The following RAD18 variants were observed in gnomAD, a reference collection of about 807,000 sequenced individuals.
The protein encoded by RAD18 is E3 ubiquitin-protein ligase RAD18.
In RAD18, 47 loss-of-function variants were observed where a neutral mutation model predicts 60.4. The ratio of observed to expected loss-of-function variants is 0.78; its 90% confidence interval spans 0.62 to 0.99. The LOEUF (loss-of-function observed/expected upper bound fraction) is 0.99, where lower values mean the gene tolerates loss of function less well. Among genes scored for constraint, RAD18 ranks in the 50% least tolerant of loss-of-function variants. The pLI, the probability that RAD18 is intolerant of heterozygous loss-of-function variation, is 0.00. For missense variants in RAD18, 640 were observed against 593.3 expected (o/e 1.08, Z -0.82); for synonymous variants, 225 against 195.5 (o/e 1.15, Z -1.26).
intron 1 of RAD18, among the ~76,000 whole-genome samples, chr3:8,960,129 A>C (rs2124848793): frequency 6.6e-6 from 1 of 152,252 alleles, no homozygotes; most frequent in East Asian, 1.9e-4. Flanking sequence ...CAAAATAACA[A>C]AAATCCATGT....
At chr3:8,891,445 A>G (rs672086) in intron 11 of RAD18, among the ~76,000 whole-genome samples, 83,303 of 152,020 alleles carry the variant, frequency 0.55, 26,400 homozygotes, top group Middle Eastern at 0.71. Flanking sequence ...AGGGGCTTTC[A>G]AATCACCAGC....
intron 10 of RAD18, among the ~76,000 whole-genome samples, chr3:8,901,145 A>G (rs1939905088): frequency 6.6e-6 from 1 of 152,194 alleles, no homozygotes; most frequent in African/African-American, 2.4e-5. Context: ...TCACATCTAC[A>G]ATTTTTAAAA....
chr3:8,953,208 T>C (rs916423702), intron 2 of RAD18, among the ~76,000 whole-genome samples: 5 of 150,668 alleles, frequency 3.3e-5, no homozygotes, highest in Non-Finnish European at 7.4e-5. Flanking sequence ...TTATACAATA[T>C]AGTGTATACA....
chr3:8,936,548 T>C (rs750652759), intron 6 of RAD18, among the ~76,000 whole-genome samples: 2 of 152,188 alleles, frequency 1.3e-5, no homozygotes, highest in Non-Finnish European at 2.9e-5. Flanking sequence ...TTATAGCAGG[T>C]TCTCTACCTG....
chr3:8,933,849 A>G (rs1343108507), intron 7 of RAD18, among the ~76,000 whole-genome samples: 1 of 152,236 alleles, frequency 6.6e-6, no homozygotes, highest in Non-Finnish European at 1.5e-5. Context: ...GTCAACCTCA[A>G]TAAACAAAAC....
intron 4 of RAD18, among the ~76,000 whole-genome samples, chr3:8,942,555 G>A (rs1423421424): frequency 6.6e-6 from 1 of 152,204 alleles, no homozygotes; most frequent in Non-Finnish European, 1.5e-5. Flanking sequence ...ACACAAGGCT[G>A]CAATCCCTGA....
Position 8,898,980 on chromosome 3 carries a change from T to C in RAD18, c.1236A>G (p.Glu412=). ...AATCCTCTTCTCTGTCAGGTTCCAA[T>C]TCCTCTGGGGAGTCCAGCTTTGATT... ...FSQSKLDSPE[E]LEPDREEDSS... is the part of the protein sequence containing the mutation. The change falls in exon 11 of 13, where the codon GAA becomes GAG. Residue 412 remains glutamate (E), a synonymous_variant. Coordinates refer to ENST00000264926, the MANE Select transcript of RAD18 (RefSeq NM_020165.4). 3 of 1,610,732 alleles carry C rather than the reference T, an allele frequency of 1.9e-6. No individual in the cohort carries two copies. Among genetic ancestry groups the C allele is most frequent in the Non-Finnish European group, 2.5e-6 (3 of 1,177,682 alleles).
chr3:8,888,313 T>C (rs992013540), intron 12 of RAD18, among the ~76,000 whole-genome samples: 3 of 152,232 alleles, frequency 2.0e-5, no homozygotes, highest in African/African-American at 4.8e-5. Flanking sequence ...AAAATGTAGA[T>C]AGAAGACCCC....
At chr3:8,900,407 C>T (rs1217752393) in intron 10 of RAD18, among the ~76,000 whole-genome samples, 2 of 152,210 alleles carry the variant, frequency 1.3e-5, no homozygotes, top group African/African-American at 2.4e-5. Flanking sequence ...AGGAATTCAA[C>T]TTAAAACAAT....
chr3:8,923,708 C>T, intron 7 of RAD18, among the ~76,000 whole-genome samples: 1 of 152,194 alleles, frequency 6.6e-6, no homozygotes, highest in Non-Finnish European at 1.5e-5. Flanking sequence ...AGACTAACAG[C>T]TGATCTCCTG....
At chr3:8,953,417 C>T (rs9859811) in intron 2 of RAD18, among the ~76,000 whole-genome samples, 117 of 152,134 alleles carry the variant, frequency 7.7e-4, no homozygotes, top group African/African-American at 2.7e-3. Context: ...GATATGGAGT[C>T]CTAAGTAGAT....
At chr3:8,891,866 G>A (rs567740068) in intron 11 of RAD18, among the ~76,000 whole-genome samples, 1 of 152,256 alleles carries the variant, frequency 6.6e-6, no homozygotes, top group Non-Finnish European at 1.5e-5. Flanking sequence ...AGACAGAACT[G>A]CTCATTCCTT....
At chr3:8,899,595 G>A (rs565040945) in intron 10 of RAD18, among the ~76,000 whole-genome samples, 8 of 152,182 alleles carry the variant, frequency 5.3e-5, no homozygotes, top group East Asian at 1.9e-4. Context: ...TCACATTTCC[G>A]TGCATTCTTT....
At chr3:8,912,209 G>A in intron 9 of RAD18, 103 bp downstream of exon 9, 1 of 926,626 alleles carries the variant, frequency 1.1e-6, no homozygotes, top group Non-Finnish European at 1.6e-6. Context: ...GTTAACAAAA[G>A]TTTGAATTGA....
chr3:8,892,283 T>C (rs1375401359), intron 11 of RAD18, among the ~76,000 whole-genome samples: 2 of 152,182 alleles, frequency 1.3e-5, no homozygotes, highest in African/African-American at 4.8e-5. Flanking sequence ...GCTGGATGAA[T>C]GTAAGGTTTG....
At chr3:8,893,848 T>C (rs1939740202) in intron 11 of RAD18, among the ~76,000 whole-genome samples, 1 of 151,898 alleles carries the variant, frequency 6.6e-6, no homozygotes, top group South Asian at 2.1e-4. Flanking sequence ...TACCACCATG[T>C]CTGGCTAATT....
intron 9 of RAD18, among the ~76,000 whole-genome samples, chr3:8,904,627 T>C (rs1939972101): frequency 6.6e-6 from 1 of 152,212 alleles, no homozygotes; most frequent in Non-Finnish European, 1.5e-5. Flanking sequence ...GTGATTTCTT[T>C]GAGGTCCTAT....
At chr3:8,952,476 C>T (rs754520467) in intron 2 of RAD18, among the ~76,000 whole-genome samples, 22 of 152,120 alleles carry the variant, frequency 1.4e-4, no homozygotes, top group Non-Finnish European at 3.1e-4. Flanking sequence ...GGCTGTATCC[C>T]CAGTCATAGT....
chr3:8,902,550 C>G (rs779141352), intron 9 of RAD18, 30 bp from the exon 10 acceptor site: 1 of 1,572,540 alleles, frequency 6.4e-7, no homozygotes, highest in Non-Finnish European at 8.6e-7. Context: ...CTCAGTAAAG[C>G]TAGGACTATG....
Sources: allele counts gnomAD v4.1 joint callset (sites outside exome capture counted in the v4.1 genomes callset), GRCh38; gene constraint gnomAD v4.1.1; transcripts MANE v1.5; gene names NCBI Gene and HGNC (gene_info 2026-07-23, HGNC 2026-07-21).